Variants in MAP2K7 observed in about 807,000 individuals in gnomAD.
The protein encoded by MAP2K7 is dual specificity mitogen-activated protein kinase kinase 7.
MAP2K7 carries 12 observed loss-of-function variants against 47.7 expected under a neutral mutation model. That is an observed-to-expected ratio of 0.25 (90% CI 0.16 to 0.41). The LOEUF is 0.41. Among genes scored for constraint, MAP2K7 ranks in the 10% least tolerant of loss-of-function variants. The pLI is 1.00. For missense variants in MAP2K7, 415 were observed against 600.3 expected (o/e 0.69, Z 3.23); for synonymous variants, 299 against 243.0 (o/e 1.23, Z -2.14).
intron 1 of MAP2K7, among the ~76,000 whole-genome samples, chr19:7,905,038 G>A (rs2145128119): frequency 6.6e-6 from 1 of 150,894 alleles, no homozygotes; most frequent in Middle Eastern, 3.4e-3. Context: ...CCTGGCCTGG[G>A]AACACTGACC....
chr19:7,912,254 G>A (rs1318004266), intron 10 of MAP2K7, 43 bp from the exon 11 acceptor site: 3 of 1,613,446 alleles, frequency 1.9e-6, no homozygotes, highest in Non-Finnish European at 2.5e-6. Context: ...AGGCCAGGAG[G>A]GAAGACCGTC....
At chr19:7,906,298 T>G (rs1982453052) in intron 1 of MAP2K7, 1 of 179,478 alleles carries the variant, frequency 5.6e-6, no homozygotes, top group African/African-American at 2.4e-5. Flanking sequence ...GACACAGCAG[T>G]GAATAGAACA....
chr19:7,903,956 C>T lies in MAP2K7; in HGVS notation c.12C>T (p.Ser4=). 2 of 1,538,658 alleles carry T rather than the reference C, an allele frequency of 1.3e-6. No individual in the cohort carries two copies. Among genetic ancestry groups the T allele is most frequent in the East Asian group, 2.6e-5 (1 of 38,344 alleles). Residue 4 remains serine (S), a synonymous_variant, in exon 1 of 11, where the codon TCC becomes TCT. Coordinates refer to ENST00000397979, the MANE Select transcript of MAP2K7 (RefSeq NM_145185.4). Reference sequence around the variant, plus strand: ...TGGCGGCGGGGAAGATGGCGGCGTCCTCCCTGGAACAGAAGCTGTCCCGCC... The same window carrying T: ...TGGCGGCGGGGAAGATGGCGGCGTCTTCCCTGGAACAGAAGCTGTCCCGCC... The part of the protein sequence containing the change: MAA[S]SLEQKLSRLE...
intron 1 of MAP2K7, chr19:7,905,930 G>A (rs1982421528): frequency 9.7e-6 from 13 of 1,335,132 alleles, no homozygotes; most frequent in South Asian, 3.5e-5. Context: ...GCAGAATGGC[G>A]TCCCCCAGCC....
chr19:7,909,055 C>T (rs563548512), intron 1 of MAP2K7, among the ~76,000 whole-genome samples: 127 of 151,844 alleles, frequency 8.4e-4, no homozygotes, highest in African/African-American at 3.0e-3. Flanking sequence ...CTGGTCCCGC[C>T]AGCCCCTGCA....
intron 1 of MAP2K7, among the ~76,000 whole-genome samples, chr19:7,908,133 C>T (rs1982581315): frequency 6.6e-6 from 1 of 151,662 alleles, no homozygotes; most frequent in African/African-American, 2.4e-5. Flanking sequence ...CCACTGCACT[C>T]CAGCCTGGGT....
rs759108043 is a variant in MAP2K7 at position 7,910,352 on chromosome 19, C to A, written c.426C>A (p.Thr142=). Residue 142 remains threonine (T), a synonymous_variant, in exon 4 of 11, where the codon ACC becomes ACA. Transcript: ENST00000397979. ...TGTGGAAGATGCGCTTCCGGAAGACCGGCCACGTCATTGCCGTTAAGGTGA... is the reference window on the plus strand; with the variant it reads ...TGTGGAAGATGCGCTTCCGGAAGACAGGCCACGTCATTGCCGTTAAGGTGA... The part of the protein sequence containing the change: ...GQVWKMRFRK[T]GHVIAVKQMR... 1 of 1,612,856 alleles carries A rather than the reference C, an allele frequency of 6.2e-7. No individual in the cohort carries two copies. Among genetic ancestry groups the A allele is most frequent in the Admixed American group, 1.7e-5 (1 of 59,964 alleles).
chr19:7,903,981 C>T lies in MAP2K7; in HGVS notation c.37C>T (p.Leu13=). ...ASSLEQKLSR[L]EAKLKQENRE... is the part of the protein sequence containing the mutation. Reference sequence around the variant, plus strand: ...CTCCCTGGAACAGAAGCTGTCCCGCCTGGAAGCAAAGCTGAAGCAGGAGAA... The same window carrying T: ...CTCCCTGGAACAGAAGCTGTCCCGCTTGGAAGCAAAGCTGAAGCAGGAGAA... The change falls in exon 1 of 11, where the codon CTG becomes TTG. Residue 13 remains leucine, a synonymous_variant. Transcript: ENST00000397979. 1.9e-6 allele frequency: 3 copies of T among 1,551,968 alleles called. No homozygotes were observed. Among genetic ancestry groups the T allele is most frequent in the Non-Finnish European group, 2.6e-6 (3 of 1,149,810 alleles).
intron 1 of MAP2K7, chr19:7,906,138 G>A (rs1007523937): frequency 2.0e-6 from 1 of 497,724 alleles, no homozygotes; most frequent in Non-Finnish European, 3.7e-6. Context: ...TGGCCTCCGG[G>A]GGTGGGGGGG....
At chr19:7,911,996 G>A (rs749590356) in intron 9 of MAP2K7, among the ~76,000 whole-genome samples, 153 bp from the exon 10 acceptor site, 6 of 152,238 alleles carry the variant, frequency 3.9e-5, no homozygotes, top group Admixed American at 1.3e-4. Context: ...GTTGCTCCCC[G>A]CTGTCAGCCG....
intron 9 of MAP2K7, 119 bp from the exon 10 acceptor site, chr19:7,912,030 C>A: frequency 2.3e-6 from 2 of 883,680 alleles, no homozygotes; most frequent in Non-Finnish European, 1.8e-6. Context: ...ATCCACAGCT[C>A]CTTCCCCCAC....
intron 1 of MAP2K7, among the ~76,000 whole-genome samples, chr19:7,907,796 C>G (rs968097446): frequency 1.3e-5 from 2 of 151,812 alleles, no homozygotes; most frequent in East Asian, 1.9e-4. Context: ...GAGCGGGACT[C>G]GGATACTCTC....
chr19:7,909,686 T>C, intron 1 of MAP2K7, 69 bp from the exon 2 acceptor site: 6 of 929,006 alleles, frequency 6.5e-6, no homozygotes, highest in Non-Finnish European at 8.1e-6. Context: ...CTCCCTGGAG[T>C]GCCAGATGTG....
Position 7,911,550 on chromosome 19 carries a change from G to A in MAP2K7, c.1051G>A (p.Gly351Arg), listed in dbSNP as rs753467019. Reference sequence around the variant, plus strand: ...TCTGCCCGGACACATGGGCTTCTCGGGGGACTTCCAGTCCTTCGTCAAAGA... The same window carrying A: ...TCTGCCCGGACACATGGGCTTCTCGAGGGACTTCCAGTCCTTCGTCAAAGA... Reference protein sequence around the residue: ...PLLPGHMGFSGDFQSFVKDCL... With the variant: ...PLLPGHMGFSRDFQSFVKDCL... The change falls in exon 9 of 11, where the codon GGG becomes AGG. Residue 351 changes from glycine (G) to arginine (R), a missense_variant. Around this residue, in one of 3 missense-constraint regions of MAP2K7, gnomAD observed 94 missense variants for 105.2 expected, o/e 0.89. Transcript: ENST00000397979. The A allele has an allele frequency of 3.5e-5, 56 of 1,603,160 alleles. No homozygotes were observed. Among genetic ancestry groups the A allele is most frequent in the Non-Finnish European group, 4.8e-5 (56 of 1,174,078 alleles).
rs752796066 is a variant in MAP2K7 at position 7,911,230 on chromosome 19, T to G, written c.856-20T>G. 1.3e-6 allele frequency: 2 copies of G among 1,597,936 alleles called. No individual in the cohort carries two copies. The highest frequency in any genetic ancestry group is 1.1e-5 in the South Asian group (1 of 90,606). The stretch of plus-strand genomic sequence containing the variant: ...CCGGCCCCAGCCTTGGAGATACGTC[T>G]TCTCCTCCCCCCCCTGCAGCCCGAG... On this transcript the variant is annotated intron_variant, in intron 7 of 10. Transcript: ENST00000397979.
intron 1 of MAP2K7, chr19:7,905,872 C>T (rs1380958442): frequency 2.5e-6 from 4 of 1,609,468 alleles, no homozygotes; most frequent in Non-Finnish European, 3.4e-6. Flanking sequence ...GCCTTTTTAT[C>T]ATCGCTGCTT....
chr19:7,907,703 G>A (rs773494803), intron 1 of MAP2K7, among the ~76,000 whole-genome samples: 3 of 152,136 alleles, frequency 2.0e-5, no homozygotes, highest in Admixed American at 6.5e-5. Context: ...GGCCACCCTC[G>A]GAAGGCCTGG....
chr19:7,904,090 AGGGGGCGGGCGGGCGGGGC>A, intron 1 of MAP2K7, 22 bp downstream of exon 1: 1 of 25,916 alleles, frequency 3.9e-5, no homozygotes, highest in Non-Finnish European at 6.4e-5. Context: ...GGCGTGGGGG[AGGGGGCGGGCGGGCGGGGC>A]GGGGCGCGCG....
In MAP2K7 at chr19:7,912,145, C is replaced by G. The variant is rs1171768843; in HGVS notation, c.1080-4C>G. ...CACATCTGTCTTCCCTTCTCTTGCT[C>G]TAGCCTTACTAAAGATCACAGGAAG... On this transcript the variant is annotated splice_region_variant and splice_polypyrimidine_tract_variant and intron_variant, in intron 9 of 10. Coordinates refer to ENST00000397979, the MANE Select transcript of MAP2K7 (RefSeq NM_145185.4). The G allele has an allele frequency of 6.2e-7, 1 of 1,613,918 alleles. No individual in the cohort carries two copies. The highest frequency in any genetic ancestry group is 8.5e-7 in the Non-Finnish European group (1 of 1,179,832).
Sources: gnomAD v4.1 joint callset for allele counts (sites outside exome capture counted in the v4.1 genomes callset) on GRCh38, gnomAD v4.1.1 for gene constraint, gnomAD v4.1.1 regional missense constraint, MANE v1.5 for transcripts, NCBI Gene and HGNC (gene_info 2026-07-23, HGNC 2026-07-21) for gene names.